Variants in FAR2 observed in about 807,000 individuals in gnomAD.
FAR2 encodes the protein epididymis secretory protein Li 81.
FAR2 carries 19 observed loss-of-function variants against 56.0 expected under a neutral mutation model. The observed-to-expected ratio is 0.34, with a 90% CI of 0.24 to 0.50. The LOEUF (loss-of-function observed/expected upper bound fraction) is 0.50. Among genes scored for constraint, FAR2 ranks in the 20% least tolerant of loss-of-function variants. The pLI is 0.98. For missense variants in FAR2, 508 were observed against 642.2 expected (o/e 0.79, Z 2.26); for synonymous variants, 219 against 218.8 (o/e 1.00, Z -0.01).
intron 1 of FAR2, among the ~76,000 whole-genome samples, chr12:29,263,100 AT>A (rs886513043): frequency 2.0e-5 from 3 of 152,208 alleles, no homozygotes; most frequent in African/African-American, 7.2e-5. Context: ...ATAGGATATA[AT>A]AATTGTAAAT....
At chr12:29,333,324 C>A in intron 11 of FAR2, 2 of 288,918 alleles carry the variant, frequency 6.9e-6, no homozygotes, top group Non-Finnish European at 1.3e-5. Context: ...GAACAAGAAC[C>A]AGTGAAGATT....
rs1487120317 is a variant in FAR2 at position 29,149,391 on chromosome 12, T to G, written c.-55T>G. ...GAGGACCACTAGTTGGACCCCATCC[T>G]CGTGCTGGAGGAACAGGTATTCCAG... On this transcript the variant is annotated 5_prime_UTR_variant, in exon 1 of 12. Coordinates refer to ENST00000536681, the MANE Select transcript of FAR2 (RefSeq NM_001271783.2). 1 of 152,298 alleles carries G rather than the reference T, an allele frequency of 6.6e-6. No homozygotes were observed. The highest frequency in any genetic ancestry group is 1.5e-5 in the Non-Finnish European group (1 of 68,132). The allele number at this position is 152,298 out of a possible 1,614,324, so 9.4% of individuals were successfully genotyped here.
At chr12:29,171,319 G>C (rs1048885280) in intron 1 of FAR2, 1 of 152,402 alleles carries the variant, frequency 6.6e-6, no homozygotes, top group Non-Finnish European at 1.5e-5. Flanking sequence ...TGATTGCCTC[G>C]GCATAGTGGA....
chr12:29,235,872 G>A (rs1001460820), intron 1 of FAR2, among the ~76,000 whole-genome samples: 17 of 152,098 alleles, frequency 1.1e-4, no homozygotes, highest in African/African-American at 3.9e-4. Context: ...GTAAACTCTA[G>A]GTTGAATTAA....
chr12:29,263,199 AG>A (rs1948453612), intron 1 of FAR2, among the ~76,000 whole-genome samples: 1 of 152,206 alleles, frequency 6.6e-6, no homozygotes, highest in South Asian at 2.1e-4. Context: ...ATACAATAAT[AG>A]CAGAGGCTTC....
intron 3 of FAR2, among the ~76,000 whole-genome samples, chr12:29,293,774 ATT>A (rs1423400431): frequency 6.6e-6 from 1 of 152,170 alleles, no homozygotes; most frequent in African/African-American, 2.4e-5. Flanking sequence ...GATATCTATC[ATT>A]GTCAATAAAT....
intron 1 of FAR2, among the ~76,000 whole-genome samples, chr12:29,201,309 T>C (rs924109): frequency 0.74 from 112,211 of 152,126 alleles, 43,476 homozygotes; most frequent in East Asian, 0.91. Context: ...ACACAATTCT[T>C]ATAGACATCT....
At chr12:29,308,713 CACACACAT>C (rs1181031687) in intron 5 of FAR2, among the ~76,000 whole-genome samples, 2 of 123,946 alleles carry the variant, frequency 1.6e-5, no homozygotes, top group African/African-American at 6.8e-5. Context: ...CACACACACA[CACACACAT>C]ATATATATAT....
intron 1 of FAR2, among the ~76,000 whole-genome samples, chr12:29,166,939 T>A (rs1273362911): frequency 6.6e-6 from 1 of 152,182 alleles, no homozygotes; most frequent in African/African-American, 2.4e-5. Flanking sequence ...TCAATGAGCT[T>A]CCTCTGGATC....
chr12:29,308,719 C>CATATATATATATATATATATATATAT (rs71042985), intron 5 of FAR2, among the ~76,000 whole-genome samples: 1 of 132,378 alleles, frequency 7.6e-6, no homozygotes, highest in African/African-American at 2.9e-5. Context: ...CACACACACA[C>CATATATATATATATATATATATATAT]ATATATATAT....
intron 1 of FAR2, among the ~76,000 whole-genome samples, chr12:29,263,757 T>C (rs1948464044): frequency 6.6e-6 from 1 of 150,560 alleles, no homozygotes; most frequent in African/African-American, 2.4e-5. Flanking sequence ...GATTGAGCCA[T>C]GAACAAATTC....
intron 3 of FAR2, 60 bp downstream of exon 3, chr12:29,293,535 T>C: frequency 3.2e-6 from 4 of 1,257,622 alleles, no homozygotes; most frequent in Non-Finnish European, 4.0e-6. Context: ...AATTTCTTCA[T>C]AGTTTCTGTA....
In FAR2 at chr12:29,316,992, G is replaced by C; in HGVS notation, c.1107G>C (p.Arg369=). 1 of 1,613,358 alleles carries C rather than the reference G, an allele frequency of 6.2e-7. No individual in the cohort carries two copies. Among genetic ancestry groups the C allele is most frequent in the Non-Finnish European group, 8.5e-7 (1 of 1,179,502 alleles). ...CCATTATCTATGACTGCTATCTGCG[G>C]CTCACTGGAAGGAAGCCCAGGTGAG... ...APAIIYDCYL[R]LTGRKPRMTK... The change falls in exon 9 of 12, where the codon CGG becomes CGC. Residue 369 remains arginine, a synonymous_variant. Transcript: ENST00000536681.
At chr12:29,227,712 G>A (rs77726845) in intron 1 of FAR2, among the ~76,000 whole-genome samples, 1,616 of 152,004 alleles carry the variant, frequency 0.011, 31 homozygotes, top group African/African-American at 0.037. Flanking sequence ...AGAAAATGTC[G>A]GTAAAAGCAG....
intron 1 of FAR2, among the ~76,000 whole-genome samples, chr12:29,193,553 T>G (rs1373424427): frequency 1.3e-5 from 2 of 152,232 alleles, no homozygotes; most frequent in African/African-American, 4.8e-5. Context: ...TTAAGTTTCC[T>G]CCATGTCTTC....
chr12:29,320,315 G>A (rs570761879), intron 9 of FAR2, among the ~76,000 whole-genome samples: 6 of 152,090 alleles, frequency 3.9e-5, no homozygotes, highest in Admixed American at 3.3e-4. Flanking sequence ...ATGTCCAACC[G>A]TTATTTTTAA....
At chr12:29,316,300 G>A (rs1165880532) in intron 8 of FAR2, among the ~76,000 whole-genome samples, 2 of 152,098 alleles carry the variant, frequency 1.3e-5, no homozygotes, top group Non-Finnish European at 2.9e-5. Context: ...ATAAAACTCT[G>A]GATACCAGAG....
intron 4 of FAR2, among the ~76,000 whole-genome samples, chr12:29,303,309 A>C (rs1369930549): frequency 2.0e-5 from 3 of 152,196 alleles, no homozygotes; most frequent in Non-Finnish European, 4.4e-5. Context: ...GGGAAAGACT[A>C]CCTTAAGGAG....
intron 1 of FAR2, among the ~76,000 whole-genome samples, chr12:29,259,787 C>G (rs889244950): frequency 1.3e-5 from 2 of 152,158 alleles, no homozygotes; most frequent in African/African-American, 4.8e-5. Context: ...AGTAAAAATA[C>G]GCAGACTCAC....
Sources: gnomAD v4.1 joint callset for allele counts (sites outside exome capture counted in the v4.1 genomes callset) on GRCh38, gnomAD v4.1.1 for gene constraint, MANE v1.5 for transcripts, NCBI Gene and HGNC (gene_info 2026-07-23, HGNC 2026-07-21) for gene names.